Variants in WDR70 observed in about 807,000 individuals in gnomAD.
WDR70 encodes the protein WD repeat-containing protein 70.
Under a neutral mutation model 88.6 loss-of-function variants are expected in WDR70, and 53 were observed. The observed-to-expected ratio is 0.60, with a 90% CI of 0.48 to 0.75. WDR70 has a LOEUF of 0.75. WDR70 is among the 30% of genes least tolerant of loss of function. The pLI, the probability that WDR70 is intolerant of heterozygous loss-of-function variation, is 0.00. For synonymous variants in WDR70, 280 were observed against 270.0 expected (o/e 1.04, Z -0.36); for missense variants, 610 against 823.2 (o/e 0.74, Z 3.17).
At chr5:37,706,235 G>A (rs1194863815) in intron 13 of WDR70, among the ~76,000 whole-genome samples, 1 of 152,182 alleles carries the variant, frequency 6.6e-6, no homozygotes, top group Non-Finnish European at 1.5e-5. Context: ...AAGTCTGTTT[G>A]CTAGGAGATG....
At chr5:37,486,212 T>A (rs1474810914) in intron 8 of WDR70, among the ~76,000 whole-genome samples, 1 of 152,162 alleles carries the variant, frequency 6.6e-6, no homozygotes, top group Admixed American at 6.5e-5. Context: ...ATTATTACAG[T>A]ATGTTTCAGA....
At chr5:37,657,849 G>A (rs138197534) in intron 10 of WDR70, among the ~76,000 whole-genome samples, 10 of 152,132 alleles carry the variant, frequency 6.6e-5, no homozygotes, top group East Asian at 1.9e-4. Context: ...AGAACATACC[G>A]TGTACTTTCC....
At chr5:37,380,168 A>T (rs1352719318) in intron 2 of WDR70, among the ~76,000 whole-genome samples, 3 of 152,244 alleles carry the variant, frequency 2.0e-5, no homozygotes, top group Non-Finnish European at 4.4e-5. Context: ...TTAAAATTAT[A>T]AATGCTGTTC....
intron 8 of WDR70, among the ~76,000 whole-genome samples, chr5:37,481,727 T>C (rs894244265): frequency 4.6e-5 from 7 of 152,244 alleles, no homozygotes; most frequent in African/African-American, 1.7e-4. Flanking sequence ...TCATTACTTA[T>C]GCAAATTTCT....
intron 10 of WDR70, among the ~76,000 whole-genome samples, chr5:37,627,387 G>A (rs1744698046): frequency 6.6e-6 from 1 of 152,118 alleles, no homozygotes; most frequent in South Asian, 2.1e-4. Context: ...GGGATTACAG[G>A]CATGAGCTAC....
intron 5 of WDR70, among the ~76,000 whole-genome samples, chr5:37,409,366 C>T (rs1206168665): frequency 6.6e-6 from 1 of 152,150 alleles, no homozygotes; most frequent in South Asian, 2.1e-4. Context: ...TAGCCTCAGC[C>T]GAGATTTTTG....
intron 9 of WDR70, among the ~76,000 whole-genome samples, chr5:37,551,994 A>ACTC (rs1742162745): frequency 6.6e-6 from 1 of 151,194 alleles, no homozygotes; most frequent in African/African-American, 2.4e-5. Context: ...CTGGTTTCGA[A>ACTC]CTCCTGACCT....
chr5:37,630,994 A>G (rs72740968), intron 10 of WDR70, among the ~76,000 whole-genome samples: 34 of 152,196 alleles, frequency 2.2e-4, no homozygotes, highest in East Asian at 5.8e-4. Context: ...TGTGGTGGCA[A>G]TGGGGGTTGG....
chr5:37,691,674 C>T (rs543817829), intron 10 of WDR70, among the ~76,000 whole-genome samples: 1 of 152,248 alleles, frequency 6.6e-6, no homozygotes, highest in African/African-American at 2.4e-5. Flanking sequence ...AGAACAAAGA[C>T]ACAACGTACC....
chr5:37,628,350 CT>C (rs1744723582), intron 10 of WDR70, among the ~76,000 whole-genome samples: 1 of 152,336 alleles, frequency 6.6e-6, no homozygotes, highest in Non-Finnish European at 1.5e-5. Context: ...AAGCCCATTT[CT>C]CCCTTTAGAT....
intron 5 of WDR70, among the ~76,000 whole-genome samples, chr5:37,417,241 T>A (rs1235597823): frequency 6.6e-6 from 1 of 152,212 alleles, no homozygotes; most frequent in African/African-American, 2.4e-5. Flanking sequence ...TTTCTTTTTT[T>A]GAGACAGGGT....
chr5:37,551,841 C>T (rs535663453), intron 9 of WDR70, among the ~76,000 whole-genome samples: 34 of 140,530 alleles, frequency 2.4e-4, no homozygotes, highest in Admixed American at 2.3e-3. Context: ...GGTGCAATCT[C>T]GCTCACTGCA....
At chr5:37,674,697 G>A (rs1746144937) in intron 10 of WDR70, among the ~76,000 whole-genome samples, 1 of 152,014 alleles carries the variant, frequency 6.6e-6, no homozygotes. Flanking sequence ...AAACATACGT[G>A]TGCATGTGTC....
In WDR70 at chr5:37,739,809, G is replaced by A. The variant is rs371020748; in HGVS notation, c.1878-12677G>A. ...TCCCTCCCCCAGCCCCCCATACCCC[G>A]ACTGGCCCTGGTGTGTGATGTTCCC... is the stretch of plus-strand genomic sequence containing the variant. On this transcript the variant is annotated intron_variant, in intron 17 of 17. Transcript: ENST00000265107. 5.3e-5 allele frequency among the ~76,000 whole-genome samples: 8 copies of A among 151,488 alleles called. No homozygotes were observed. The South Asian group carries it at 1.0e-3, about 20-fold the overall frequency.
chr5:37,410,193 GTTTTTTT>G (rs952637754), intron 5 of WDR70, among the ~76,000 whole-genome samples: 2 of 119,456 alleles, frequency 1.7e-5, no homozygotes, highest in Non-Finnish European at 3.5e-5. Flanking sequence ...GAGTTTGTTA[GTTTTTTT>G]TTTTTTTTTT....
chr5:37,749,571 AT>A (rs1448309167), intron 17 of WDR70, among the ~76,000 whole-genome samples: 7 of 152,102 alleles, frequency 4.6e-5, no homozygotes, highest in African/African-American at 1.2e-4. Flanking sequence ...AAGAAAAAAA[AT>A]ATTATGCATA....
At chr5:37,395,336 G>A (rs1323237926) in intron 4 of WDR70, among the ~76,000 whole-genome samples, 2 of 152,114 alleles carry the variant, frequency 1.3e-5, no homozygotes, top group Non-Finnish European at 2.9e-5. Flanking sequence ...TCCAACCTGC[G>A]TTATATTGTT....
intron 6 of WDR70, among the ~76,000 whole-genome samples, chr5:37,440,559 G>T (rs1297459593): frequency 6.6e-6 from 1 of 152,192 alleles, no homozygotes; most frequent in Admixed American, 6.5e-5. Context: ...TGGCCAGGCC[G>T]GTCTTGAACT....
intron 17 of WDR70, among the ~76,000 whole-genome samples, chr5:37,747,590 C>A (rs917388641): frequency 6.6e-6 from 1 of 152,132 alleles, no homozygotes; most frequent in Non-Finnish European, 1.5e-5. Context: ...AAAACTGATA[C>A]AAGACAAGGA....
Sources: gnomAD v4.1 joint callset for allele counts (sites outside exome capture counted in the v4.1 genomes callset) on GRCh38, gnomAD v4.1.1 for gene constraint, MANE v1.5 for transcripts, NCBI Gene and HGNC (gene_info 2026-07-23, HGNC 2026-07-21) for gene names.